The following PTBP3 variants were observed in gnomAD, a reference collection of about 807,000 sequenced individuals.
The protein encoded by PTBP3 is polypyrimidine tract-binding protein 3.
Under a neutral mutation model 58.7 loss-of-function variants are expected in PTBP3, and 20 were observed. The observed-to-expected ratio is 0.34, with a 90% CI of 0.24 to 0.50. The LOEUF is 0.50. PTBP3 is among the 20% of genes least tolerant of loss of function. PTBP3 has a pLI of 0.98. For synonymous variants in PTBP3, 185 were observed against 219.8 expected, an observed-to-expected ratio of 0.84 and a Z score of 1.40; for missense variants, 509 against 637.2, an observed-to-expected ratio of 0.80 and a Z score of 2.17.
At chr9:112,304,950 A>G (rs1419720658) in intron 1 of PTBP3, among the ~76,000 whole-genome samples, 1 of 152,194 alleles carries the variant, frequency 6.6e-6, no homozygotes, top group African/African-American at 2.4e-5. Context: ...TTCAGGATAA[A>G]TATTCAGAAG....
At chr9:112,263,074 G>A (rs1416963057) in intron 4 of PTBP3, among the ~76,000 whole-genome samples, 1 of 152,122 alleles carries the variant, frequency 6.6e-6, no homozygotes, top group Non-Finnish European at 1.5e-5. Flanking sequence ...AAATATTTTT[G>A]TTTTGGGGCA....
At chr9:112,299,788 A>G (rs1564445752) in intron 1 of PTBP3, among the ~76,000 whole-genome samples, 1 of 152,194 alleles carries the variant, frequency 6.6e-6, no homozygotes, top group Non-Finnish European at 1.5e-5. Flanking sequence ...ACCTATACTT[A>G]ATCCAAACAG....
In PTBP3 at chr9:112,268,135, T is replaced by A. The variant is rs1332016852; in HGVS notation, c.265A>T (p.Ile89Phe). The change falls in exon 4 of 14, where the codon ATT (isoleucine) becomes TTT (phenylalanine). Residue 89 changes from isoleucine to phenylalanine, a missense_variant. By Grantham distance (21) the Ile-to-Phe change is conservative. Around this residue, in one of 4 missense-constraint regions of PTBP3, gnomAD observed 212 missense variants for 215.3 expected, o/e 0.98. Transcript: ENST00000374257. ...AVTMVNYYTPITPHLRSQPVY... is the reference protein window; with the variant it reads ...AVTMVNYYTPFTPHLRSQPVY... ...GGCTGGCTTCGAAGGTGAGGAGTAA[T>A]AGGAGTGTAATAATTCACCATAGTA... 6.2e-7 allele frequency: 1 copy of A among 1,613,942 alleles called. No individual in the cohort carries two copies. Among genetic ancestry groups the A allele is most frequent in the African/African-American group, 1.3e-5 (1 of 75,040 alleles).
intron 1 of PTBP3, chr9:112,330,316 T>G (rs1830316735): frequency 1.4e-6 from 1 of 692,372 alleles, no homozygotes; most frequent in African/African-American, 1.9e-5. Context: ...GGTCTACTTA[T>G]TTTGGAGCTA....
At chr9:112,344,124 C>T in the PTBP3 span, among the ~76,000 whole-genome samples, 1 of 152,090 alleles carries the variant, frequency 6.6e-6, no homozygotes, top group African/African-American at 2.4e-5. Flanking sequence ...ATTTATCAAT[C>T]TTTTTTTATT....
intron 4 of PTBP3, among the ~76,000 whole-genome samples, chr9:112,264,113 G>A (rs1198154521): frequency 6.6e-6 from 1 of 152,110 alleles, no homozygotes; most frequent in Non-Finnish European, 1.5e-5. Context: ...AATAGCAGTA[G>A]TATGATCAGG....
intron 1 of PTBP3, among the ~76,000 whole-genome samples, chr9:112,330,857 GA>G (rs1286094890): frequency 6.6e-6 from 1 of 152,094 alleles, no homozygotes; most frequent in Non-Finnish European, 1.5e-5. Context: ...GGTTTTAAAT[GA>G]AACAAAACCA....
the PTBP3 span, among the ~76,000 whole-genome samples, chr9:112,377,273 C>T: frequency 6.6e-6 from 1 of 152,090 alleles, no homozygotes; most frequent in African/African-American, 2.4e-5. Context: ...GTGGCTGAGC[C>T]CAGGAGGTTG....
chr9:112,310,088 A>G (rs1829414543), intron 1 of PTBP3, among the ~76,000 whole-genome samples: 1 of 152,206 alleles, frequency 6.6e-6, no homozygotes, highest in Non-Finnish European at 1.5e-5. Context: ...ATCCCTAAAT[A>G]TTCTCTAAAG....
intron 1 of PTBP3, among the ~76,000 whole-genome samples, chr9:112,318,890 G>T (rs1326061640): frequency 6.6e-6 from 1 of 152,178 alleles, no homozygotes. Context: ...TACTTTGGGA[G>T]GCCAAGGCGG....
chr9:112,328,649 T>A (rs781665489), intron 1 of PTBP3, among the ~76,000 whole-genome samples: 2 of 151,904 alleles, frequency 1.3e-5, no homozygotes, highest in Non-Finnish European at 2.9e-5. Flanking sequence ...CAGCTGGGCA[T>A]GGTGGTGCAC....
At chr9:112,233,743 C>T (rs1216349601) in intron 8 of PTBP3, among the ~76,000 whole-genome samples, 3 of 152,084 alleles carry the variant, frequency 2.0e-5, no homozygotes, top group Admixed American at 6.6e-5. Flanking sequence ...CCAGCCTAGC[C>T]AACATGGCGA....
At chr9:112,371,669 T>TTA in the PTBP3 span, among the ~76,000 whole-genome samples, 7 of 147,386 alleles carry the variant, frequency 4.7e-5, no homozygotes, top group East Asian at 8.1e-4. Context: ...TTTTTTTTTT[T>TTA]ACCAGATCCC....
At chr9:112,306,449 T>C (rs947730930) in intron 1 of PTBP3, among the ~76,000 whole-genome samples, 1 of 82,158 alleles carries the variant, frequency 1.2e-5, no homozygotes, top group African/African-American at 5.6e-5. Flanking sequence ...CCTAAACCAC[T>C]GTGCCTGGGC....
At chr9:112,317,351 CCACCACTG>C (rs1242311147) in intron 1 of PTBP3, among the ~76,000 whole-genome samples, 4 of 152,040 alleles carry the variant, frequency 2.6e-5, no homozygotes, top group Non-Finnish European at 5.9e-5. Flanking sequence ...AGCCCAGGAT[CCACCACTG>C]CACCACTGCA....
intron 1 of PTBP3, among the ~76,000 whole-genome samples, chr9:112,322,813 T>C (rs902914977): frequency 2.0e-5 from 3 of 152,212 alleles, no homozygotes; most frequent in Admixed American, 6.5e-5. Flanking sequence ...CACCTTTGTG[T>C]AATAAGATGG....
intron 5 of PTBP3, among the ~76,000 whole-genome samples, chr9:112,262,110 T>C (rs1836621147): frequency 6.6e-6 from 1 of 152,270 alleles, no homozygotes; most frequent in East Asian, 1.9e-4. Context: ...AGAAATAAAT[T>C]AGTTGTACTC....
Position 112,221,904 on chromosome 9 carries a change from C to T in PTBP3, c.*1947G>A. The T allele has an allele frequency of 1.0e-6, 1 of 980,078 alleles. No homozygotes were observed. Among genetic ancestry groups the T allele is most frequent in the Non-Finnish European group, 1.2e-6 (1 of 825,078 alleles). The allele number at this position is 980,078 out of a possible 1,614,324, so 60.7% of individuals were successfully genotyped here. On this transcript the variant is annotated 3_prime_UTR_variant, in exon 14 of 14. Coordinates refer to ENST00000374257, the MANE Select transcript of PTBP3 (RefSeq NM_001163788.4). The stretch of plus-strand genomic sequence containing the variant: ...AATACAGCAAAGAGATTGAGATTTT[C>T]TTAATTTTTACTTTTAAGAGAAGGG...
chr9:112,227,365 T>C (rs111618446), intron 12 of PTBP3, 46 bp downstream of exon 12: 2 of 1,577,976 alleles, frequency 1.3e-6, no homozygotes. Flanking sequence ...TCACATATTG[T>C]AGATTATTCA....
Sources: allele counts gnomAD v4.1 joint callset (sites outside exome capture counted in the v4.1 genomes callset), GRCh38; gene constraint gnomAD v4.1.1; regional missense constraint gnomAD v4.1.1; transcripts MANE v1.5; gene names NCBI Gene and HGNC (gene_info 2026-07-23, HGNC 2026-07-21).